The following CNOT9 variants were observed in gnomAD, a reference collection of about 807,000 sequenced individuals.
The protein encoded by CNOT9 is RCD1 required for cell differentiation1 homolog.
A neutral mutation model predicts 37.4 loss-of-function variants in CNOT9; 8 were observed. The observed-to-expected ratio is 0.21, with a 90% CI of 0.13 to 0.39. The LOEUF is 0.39. Ranked by LOEUF, CNOT9 falls within the 10% of genes least tolerant of loss-of-function variation. The pLI is 1.00. For missense variants in CNOT9, 154 were observed against 365.3 expected, an observed-to-expected ratio of 0.42 and a Z score of 4.71; for synonymous variants, 120 against 137.6, an observed-to-expected ratio of 0.87 and a Z score of 0.90.
chr2:218,580,987 TCCCCC>T, intron 2 of CNOT9: 1 of 580,528 alleles, frequency 1.7e-6, no homozygotes, highest in Non-Finnish European at 3.2e-6. Flanking sequence ...CACTTTCACC[TCCCCC>T]AGGTGATTGT....
At chr2:218,576,850 C>T (rs1694186360) in intron 1 of CNOT9, among the ~76,000 whole-genome samples, 1 of 152,006 alleles carries the variant, frequency 6.6e-6, no homozygotes, top group Non-Finnish European at 1.5e-5. Context: ...GCCTGTAGTC[C>T]CAGCTACCGG....
At chr2:218,583,527 G>A (rs555775927) in intron 3 of CNOT9, among the ~76,000 whole-genome samples, 38 of 152,156 alleles carry the variant, frequency 2.5e-4, no homozygotes, top group Middle Eastern at 3.4e-3. Flanking sequence ...AGCATTCTGG[G>A]CGGCCTCTAT....
intron 1 of CNOT9, among the ~76,000 whole-genome samples, chr2:218,575,387 C>CTTTT (rs71064461): frequency 7.9e-6 from 1 of 127,234 alleles, no homozygotes; most frequent in Non-Finnish European, 1.7e-5. Flanking sequence ...TTTCTTTTTT[C>CTTTT]TTTTTTTTTT....
intron 1 of CNOT9, among the ~76,000 whole-genome samples, chr2:218,569,245 C>T (rs573651145): frequency 1.4e-4 from 21 of 152,284 alleles, no homozygotes; most frequent in African/African-American, 5.1e-4. Flanking sequence ...GCAGGCCATT[C>T]ATTGATTTAT....
chr2:218,580,880 T>G, intron 2 of CNOT9, 140 bp downstream of exon 2: 1 of 816,140 alleles, frequency 1.2e-6, no homozygotes, highest in Non-Finnish European at 2.0e-6. Flanking sequence ...TTTAGAAAGG[T>G]CTGAGGTATT....
At chr2:218,584,796 G>A in intron 4 of CNOT9, 75 bp downstream of exon 4, 1 of 1,079,888 alleles carries the variant, frequency 9.3e-7, no homozygotes, top group South Asian at 1.3e-5. Context: ...TGTCTTGCCG[G>A]TTATGATTTT....
rs1694917684 is a variant in CNOT9, at chr2:218,595,993, G to A, written c.*1717G>A. ...GCAAGCCTGAAGAGAAGTGATCTTA[G>A]AGAAAGCAGAGAACAGAATGGACTG... On this transcript the variant is annotated 3_prime_UTR_variant, in exon 8 of 8. Coordinates refer to ENST00000273064, the MANE Select transcript of CNOT9 (RefSeq NM_005444.3). 6.6e-6 allele frequency: 1 copy of A among 152,196 alleles called. No individual in the cohort carries two copies. 9.4% of individuals were successfully genotyped at this position (152,196 alleles called of 1,614,324 possible).
intron 1 of CNOT9, among the ~76,000 whole-genome samples, chr2:218,576,338 A>T (rs577901664): frequency 1.1e-4 from 17 of 152,352 alleles, no homozygotes; most frequent in Non-Finnish European, 2.2e-4. Flanking sequence ...ATTCTCCAAA[A>T]CAATGAAATT....
At chr2:218,589,178 G>A (rs535446656) in intron 5 of CNOT9, 1 of 151,780 alleles carries the variant, frequency 6.6e-6, no homozygotes, top group Non-Finnish European at 1.5e-5. Context: ...GTGTAAGCAG[G>A]TATAATGATT....
At chr2:218,593,686 T>G in intron 7 of CNOT9, 1 of 1,278,898 alleles carries the variant, frequency 7.8e-7, no homozygotes, top group Non-Finnish European at 1.0e-6. Flanking sequence ...AGACACAAAT[T>G]GATAACTTAG....
intron 2 of CNOT9, among the ~76,000 whole-genome samples, chr2:218,581,766 A>G (rs1371675015): frequency 6.6e-6 from 1 of 152,218 alleles, no homozygotes; most frequent in Non-Finnish European, 1.5e-5. Context: ...TTTTCTATGT[A>G]AAAGTTTTAC....
chr2:218,571,539 G>C (rs867538144), intron 1 of CNOT9, among the ~76,000 whole-genome samples: 51 of 151,622 alleles, frequency 3.4e-4, no homozygotes, highest in African/African-American at 1.2e-3. Flanking sequence ...GTAGTCGTAT[G>C]CTAGAAATGT....
intron 1 of CNOT9, among the ~76,000 whole-genome samples, chr2:218,578,374 GGTAGA>G (rs1340916365): frequency 6.6e-6 from 1 of 152,108 alleles, no homozygotes; most frequent in Non-Finnish European, 1.5e-5. Flanking sequence ...ATTCAGATTG[GGTAGA>G]GTAAATTTGA....
chr2:218,579,826 G>T (rs571434254), intron 1 of CNOT9, among the ~76,000 whole-genome samples: 2 of 149,326 alleles, frequency 1.3e-5, no homozygotes, highest in Non-Finnish European at 3.0e-5. Context: ...TTATTTGTTT[G>T]TTTGTTTATT....
Position 218,587,661 on chromosome 2 carries a change from G to T in CNOT9, c.506G>T (p.Arg169Leu). The change falls in exon 5 of 8, where the codon CGA becomes CTA. Residue 169 changes from arginine to leucine, a missense_variant. Coordinates refer to ENST00000273064, the MANE Select transcript of CNOT9 (RefSeq NM_005444.3). Reference sequence around the variant, plus strand: ...ACAGAAATTATCCCTTTATGTTTGCGAATTATGGAATCTGGAAGTGAACTT... The same window carrying T: ...ACAGAAATTATCCCTTTATGTTTGCTAATTATGGAATCTGGAAGTGAACTT... Reference protein sequence around the residue: ...LTTEIIPLCLRIMESGSELSK... With the variant: ...LTTEIIPLCLLIMESGSELSK... The T allele has an allele frequency of 6.2e-7, 1 of 1,603,504 alleles. No homozygotes were observed. Among genetic ancestry groups the T allele is most frequent in the Non-Finnish European group, 8.5e-7 (1 of 1,173,656 alleles).
Position 218,594,445 on chromosome 2 carries a change from C to G in CNOT9, c.*169C>G. 1.3e-6 allele frequency: 1 copy of G among 749,730 alleles called. No homozygotes were observed. The allele number at this position is 749,730 out of a possible 1,614,324, so 46.4% of individuals were successfully genotyped here. ...TGCTGAGGTGTATGGGCTGCCATCTCAGGCTGTCTTGAGGACCTGGGCTCC... is the reference window on the plus strand; with the variant it reads ...TGCTGAGGTGTATGGGCTGCCATCTGAGGCTGTCTTGAGGACCTGGGCTCC... On this transcript the variant is annotated 3_prime_UTR_variant, in exon 8 of 8. Transcript: ENST00000273064.
chr2:218,589,748 T>C (rs944366838), intron 5 of CNOT9, among the ~76,000 whole-genome samples: 3 of 152,216 alleles, frequency 2.0e-5, no homozygotes, highest in African/African-American at 7.2e-5. Context: ...GCTCAAGCAG[T>C]CTTCCCACTT....
intron 2 of CNOT9, among the ~76,000 whole-genome samples, chr2:218,581,370 C>G (rs1042301120): frequency 6.7e-4 from 101 of 151,126 alleles, no homozygotes; most frequent in African/African-American, 2.0e-3. Context: ...CGGAGTTTCA[C>G]CATGTTGGTC....
intron 1 of CNOT9, among the ~76,000 whole-genome samples, chr2:218,571,204 C>T (rs1022971263): frequency 2.0e-5 from 3 of 152,162 alleles, no homozygotes; most frequent in Non-Finnish European, 2.9e-5. Flanking sequence ...TTATTTATCT[C>T]TTTTTTAAAA....
Sources: allele counts gnomAD v4.1 joint callset (sites outside exome capture counted in the v4.1 genomes callset), GRCh38; gene constraint gnomAD v4.1.1; transcripts MANE v1.5; gene names NCBI Gene and HGNC (gene_info 2026-07-23, HGNC 2026-07-21).